Variants in QRFPR observed in about 807,000 individuals in gnomAD.
QRFPR encodes the protein pyroglutamylated RFamide peptide receptor.
Under a neutral mutation model 31.3 loss-of-function variants are expected in QRFPR, and 37 were observed. The observed-to-expected ratio is 1.18, with a 90% CI of 0.91 to 1.56. The LOEUF is 1.56. Among genes scored for constraint, QRFPR ranks in the 40% most tolerant of loss-of-function variants. The pLI, the probability that QRFPR is intolerant of heterozygous loss-of-function variation, is 0.00. For missense variants in QRFPR, 542 were observed against 532.5 expected, an observed-to-expected ratio of 1.02 and a Z score of -0.18; for synonymous variants, 197 against 192.0, an observed-to-expected ratio of 1.03 and a Z score of -0.22.
intron 1 of QRFPR, among the ~76,000 whole-genome samples, chr4:121,350,485 T>A (rs1304712489): frequency 6.6e-6 from 1 of 152,204 alleles, no homozygotes. Context: ...TCCATCAATA[T>A]CTTTTTCAAT....
chr4:121,356,499 AG>A (rs1366800422), intron 1 of QRFPR, among the ~76,000 whole-genome samples: 6 of 152,306 alleles, frequency 3.9e-5, no homozygotes, highest in African/African-American at 1.4e-4. Context: ...TGAAGAGTTC[AG>A]TATTTATTCC....
At chr4:121,360,306 G>T (rs1428616539) in intron 1 of QRFPR, among the ~76,000 whole-genome samples, 1 of 152,150 alleles carries the variant, frequency 6.6e-6, no homozygotes, top group Non-Finnish European at 1.5e-5. Context: ...TAAAAACTTA[G>T]TACTTTCTTA....
At chr4:121,357,143 A>G (rs1560740589) in intron 1 of QRFPR, among the ~76,000 whole-genome samples, 1 of 152,058 alleles carries the variant, frequency 6.6e-6, no homozygotes, top group Non-Finnish European at 1.5e-5. Flanking sequence ...GGAGGTCAGA[A>G]ATTTGAAATG....
intron 1 of QRFPR, among the ~76,000 whole-genome samples, chr4:121,370,979 G>T (rs2110484226): frequency 6.6e-6 from 1 of 152,262 alleles, no homozygotes; most frequent in East Asian, 1.9e-4. Flanking sequence ...TCTAATAGGG[G>T]AAGCTTTAAT....
At chr4:121,330,625 A>C (rs538276738) in intron 4 of QRFPR, 102 bp from the exon 5 acceptor site, 1 of 791,002 alleles carries the variant, frequency 1.3e-6, no homozygotes, top group South Asian at 1.6e-5. Flanking sequence ...ACTCAAACAT[A>C]ATTTTTAAAT....
Position 121,380,484 on chromosome 4 carries a change from ATGAGCACGCCGG to A in QRFPR, c.152_163del (p.Thr51_Leu54del), listed in dbSNP as rs377506498. 1.9e-6 allele frequency: 3 copies of A among 1,614,264 alleles called. No homozygotes were observed. The highest frequency in any genetic ancestry group is 1.3e-5 in the African/African-American group (1 of 75,084). ...ATTGCCAAAGAGCGCCAGGGCGAAGATGAGCACGCCGGTGAGCACGAGGGCCAGCTTGGCGCG... is the reference window on the plus strand; with the variant it reads ...ATTGCCAAAGAGCGCCAGGGCGAAGATGAGCACGAGGGCCAGCTTGGCGCG... On this transcript the variant is annotated inframe_deletion, in exon 1 of 6. Transcript: ENST00000394427.
At chr4:121,345,835 A>C (rs537266898) in intron 1 of QRFPR, among the ~76,000 whole-genome samples, 5 of 152,214 alleles carry the variant, frequency 3.3e-5, no homozygotes, top group Non-Finnish European at 7.3e-5. Context: ...AAGAGAAACA[A>C]GACTACATTA....
At chr4:121,360,600 A>T (rs1424395881) in intron 1 of QRFPR, among the ~76,000 whole-genome samples, 4 of 152,136 alleles carry the variant, frequency 2.6e-5, no homozygotes, top group African/African-American at 9.7e-5. Context: ...TTACTACAGT[A>T]ATGCTCTTTG....
chr4:121,363,788 A>G (rs1029501194), intron 1 of QRFPR, among the ~76,000 whole-genome samples: 1 of 150,184 alleles, frequency 6.7e-6, no homozygotes, highest in African/African-American at 2.5e-5. Flanking sequence ...TCACTCTTTC[A>G]CTAAGAGAAA....
chr4:121,336,105 A>G (rs1480135327), intron 3 of QRFPR, among the ~76,000 whole-genome samples: 1 of 152,218 alleles, frequency 6.6e-6, no homozygotes, highest in Non-Finnish European at 1.5e-5. Context: ...TTTAAAAGGT[A>G]GAACGGGATA....
chr4:121,359,401 T>C (rs1725935338), intron 1 of QRFPR, among the ~76,000 whole-genome samples: 1 of 152,022 alleles, frequency 6.6e-6, no homozygotes, highest in African/African-American at 2.4e-5. Context: ...CACAATCTAA[T>C]CAGCTGCCAG....
intron 1 of QRFPR, among the ~76,000 whole-genome samples, chr4:121,342,844 C>T (rs543281079): frequency 6.6e-6 from 1 of 152,072 alleles, no homozygotes; most frequent in African/African-American, 2.4e-5. Context: ...TTTAGAGAGG[C>T]CCTAATTGGA....
intron 1 of QRFPR, chr4:121,369,673 G>A (rs755993983): frequency 3.2e-6 from 5 of 1,584,710 alleles, no homozygotes; most frequent in Non-Finnish European, 4.3e-6. Flanking sequence ...TCAGTCCAAA[G>A]AGGCCCCACT....
intron 1 of QRFPR, among the ~76,000 whole-genome samples, chr4:121,359,501 C>G (rs1236545476): frequency 6.6e-6 from 1 of 152,102 alleles, no homozygotes; most frequent in East Asian, 1.9e-4. Context: ...AAGCTTCCTG[C>G]CTTTGAACAT....
chr4:121,340,555 T>G lies in QRFPR; in HGVS notation c.396A>C (p.Glu132Asp), dbSNP rs1368868071. ...CAGCAATGCAGGTCATAGTGAGGAT[T>G]TCTGTCACAACAGCGGTAGACTGGA... ...PFVQSTAVVT[E>D]ILTMTCIAVE... Residue 132 changes from glutamate (E) to aspartate (D), a missense_variant, in exon 2 of 6, where the codon GAA (glutamate) becomes GAC (aspartate). By Grantham distance (45) the Glu-to-Asp change is conservative (BLOSUM62 2). Transcript: ENST00000394427. 6.2e-7 allele frequency: 1 copy of G among 1,613,966 alleles called. No homozygotes were observed.
intron 1 of QRFPR, among the ~76,000 whole-genome samples, chr4:121,366,985 C>A (rs1726144110): frequency 6.7e-6 from 1 of 150,068 alleles, no homozygotes; most frequent in South Asian, 2.1e-4. Flanking sequence ...TATTCATACA[C>A]CTGACATCAT....
At chr4:121,357,184 T>C (rs753836067) in intron 1 of QRFPR, among the ~76,000 whole-genome samples, 4 of 151,998 alleles carry the variant, frequency 2.6e-5, no homozygotes, top group African/African-American at 7.3e-5. Flanking sequence ...TTCTAGAGGC[T>C]CTAGGGGAGA....
intron 1 of QRFPR, among the ~76,000 whole-genome samples, chr4:121,365,095 C>T (rs1040342954): frequency 2.7e-5 from 4 of 149,558 alleles, no homozygotes; most frequent in Non-Finnish European, 5.9e-5. Context: ...ATAGCCTTCC[C>T]ATAATTCTAA....
At chr4:121,357,559 A>G (rs1257757869) in intron 1 of QRFPR, among the ~76,000 whole-genome samples, 1 of 152,202 alleles carries the variant, frequency 6.6e-6, no homozygotes, top group South Asian at 2.1e-4. Context: ...CCCTTCCCCT[A>G]CACTGGGAAT....
Sources: gnomAD v4.1 joint callset for allele counts (sites outside exome capture counted in the v4.1 genomes callset) on GRCh38, gnomAD v4.1.1 for gene constraint, MANE v1.5 for transcripts, NCBI Gene and HGNC (gene_info 2026-07-23, HGNC 2026-07-21) for gene names.